The following FOCAD variants were observed in gnomAD, a reference collection of about 807,000 sequenced individuals.
The protein encoded by FOCAD is KIAA1797.
In FOCAD, 198 loss-of-function variants were observed where a neutral mutation model predicts 225.6. The observed-to-expected ratio is 0.88, with a 90% CI of 0.78 to 0.99. The LOEUF is 0.99. Among genes scored for constraint, FOCAD ranks in the 50% least tolerant of loss-of-function variants. The pLI is 0.00. For synonymous variants in FOCAD, 897 were observed against 755.0 expected (o/e 1.19, Z -3.08); for missense variants, 2,713 against 2,123.6 (o/e 1.28, Z -5.46).
chr9:20,806,200 T>G (rs1355032489), intron 11 of FOCAD, among the ~76,000 whole-genome samples: 6 of 152,180 alleles, frequency 3.9e-5, no homozygotes, highest in Non-Finnish European at 8.8e-5. Flanking sequence ...AGTAAATATG[T>G]TTTCAGAAAG....
At position 20,874,962 on chromosome 9, in the gene FOCAD, C is replaced by G; in HGVS notation, c.2317+155C>G. ...GCACCCATCTGTTCTATTGAAACAG[C>G]TTGAGGTAGTATGGTGTTTAAATCA... On this transcript the variant is annotated intron_variant, in intron 19 of 43. Transcript: ENST00000338382. 9.6e-6 allele frequency: 9 copies of G among 934,258 alleles called. No homozygotes were observed. The South Asian group carries it at 1.4e-4, about 14-fold the overall frequency. The allele number at this position is 934,258 out of a possible 1,614,324, so 57.9% of individuals were successfully genotyped here.
chr9:20,684,245 G>C (rs892862857), upstream of FOCAD: 1 of 152,442 alleles, frequency 6.6e-6, no homozygotes, highest in African/African-American at 2.4e-5. Flanking sequence ...GCGGCGGGGC[G>C]GGCCACGTCA....
chr9:20,907,295 G>C (rs992379848), intron 22 of FOCAD, 53 bp downstream of exon 22: 1 of 1,417,078 alleles, frequency 7.1e-7, no homozygotes, highest in Admixed American at 1.7e-5. Flanking sequence ...CTTATCTCAT[G>C]TTTTGCTACA....
intron 1 of FOCAD, among the ~76,000 whole-genome samples, chr9:20,687,657 G>T (rs1421064808): frequency 6.6e-6 from 1 of 152,166 alleles, no homozygotes; most frequent in Non-Finnish European, 1.5e-5. Flanking sequence ...TTAAGTAAAT[G>T]TGATTTTTAA....
Position 20,758,112 on chromosome 9 carries a change from A to G in FOCAD, c.415A>G (p.Thr139Ala). The G allele has an allele frequency of 1.2e-6, 2 of 1,609,772 alleles. No homozygotes were observed. Among genetic ancestry groups the G allele is most frequent in the Non-Finnish European group, 1.7e-6 (2 of 1,178,490 alleles). The change falls in exon 6 of 44, where the codon ACT becomes GCT. Residue 139 changes from threonine (T) to alanine (A), a missense_variant. By Grantham distance (58) the Thr-to-Ala change is moderately conservative. Transcript: ENST00000338382. Reference protein sequence around the residue: ...TIRNHPHPLITVLEHRPDCWP... With the variant: ...TIRNHPHPLIAVLEHRPDCWP... ...CAGAAATCATCCTCATCCTTTGATA[A>G]CTGTGCTTGAACACAGACCTGATTG...
rs564847720 is a variant in FOCAD at position 20,887,144 on chromosome 9, A to T, written c.2625+1914A>T. On this transcript the variant is annotated intron_variant, in intron 21 of 43. Coordinates refer to ENST00000338382, the MANE Select transcript of FOCAD (RefSeq NM_001375567.1). ...TGCAATCAATTTGGGATTTTTCCAG[A>T]TGAAATTTCTTCAAACCCTGCTTTT... 3.3e-5 allele frequency among the ~76,000 whole-genome samples: 5 copies of T among 152,248 alleles called. No individual in the cohort carries two copies. In the South Asian group the frequency reaches 1.0e-3, roughly 32 times the overall value.
chr9:20,908,073 G>C (rs1196340901), intron 22 of FOCAD, among the ~76,000 whole-genome samples: 2 of 152,076 alleles, frequency 1.3e-5, no homozygotes, highest in Non-Finnish European at 2.9e-5. Context: ...GTTATAGTTT[G>C]TGAATTTTTA....
intron 25 of FOCAD, among the ~76,000 whole-genome samples, chr9:20,925,655 C>T (rs1012258421): frequency 3.9e-5 from 6 of 152,160 alleles, no homozygotes; most frequent in African/African-American, 1.4e-4. Flanking sequence ...TTAATGAATG[C>T]TTTTGACATC....
intron 4 of FOCAD, among the ~76,000 whole-genome samples, chr9:20,721,185 G>C (rs1825741359): frequency 6.6e-6 from 1 of 152,104 alleles, no homozygotes; most frequent in Non-Finnish European, 1.5e-5. Context: ...GTCACTCTTT[G>C]CTTCAAGAAA....
At chr9:20,923,819 T>A (rs771961987) in intron 25 of FOCAD, 51 bp downstream of exon 25, 1 of 1,391,026 alleles carries the variant, frequency 7.2e-7, no homozygotes. Context: ...TTTTTAAGCC[T>A]GGCTTTAGGT....
At chr9:20,961,567 C>G (rs1838732496) in intron 35 of FOCAD, among the ~76,000 whole-genome samples, 1 of 152,274 alleles carries the variant, frequency 6.6e-6, no homozygotes, top group South Asian at 2.1e-4. Context: ...GTGGACAGAG[C>G]TGGGAAACAT....
chr9:20,760,077 C>T (rs1042249608), intron 6 of FOCAD, among the ~76,000 whole-genome samples: 1 of 152,180 alleles, frequency 6.6e-6, no homozygotes, highest in Admixed American at 6.5e-5. Flanking sequence ...GCCACCTGTT[C>T]CTAACTGGTG....
At chr9:20,824,410 AT>A (rs1212911537) in intron 15 of FOCAD, among the ~76,000 whole-genome samples, 3 of 151,924 alleles carry the variant, frequency 2.0e-5, no homozygotes, top group Non-Finnish European at 4.4e-5. Context: ...TGAAATTAAC[AT>A]TTTTTCTTAT....
At chr9:20,905,065 G>C (rs4977589) in intron 21 of FOCAD, among the ~76,000 whole-genome samples, 146,064 of 152,066 alleles carry the variant, frequency 0.96, 70,206 homozygotes, top group East Asian at 1. Context: ...TCTAAAGTCT[G>C]TCTTCATTAA....
chr9:20,937,891 C>A (rs1462366655), intron 28 of FOCAD, among the ~76,000 whole-genome samples: 1 of 152,128 alleles, frequency 6.6e-6, no homozygotes, highest in African/African-American at 2.4e-5. Flanking sequence ...AAGAAAAAAA[C>A]AGACAACCCC....
chr9:20,727,744 T>C lies in FOCAD; in HGVS notation c.287+7210T>C, dbSNP rs181344516. On this transcript the variant is annotated intron_variant, in intron 4 of 43. Transcript: ENST00000338382. Reference sequence around the variant, plus strand: ...TACTATGCTTAAGACTGATGAATTATCTTGTTCAGGGGTCTGAAATCCTTT... The same window carrying C: ...TACTATGCTTAAGACTGATGAATTACCTTGTTCAGGGGTCTGAAATCCTTT... Among the ~76,000 whole-genome samples, 9 of 152,362 alleles carry C rather than the reference T, an allele frequency of 5.9e-5. No homozygotes were observed. The East Asian group carries it at 1.7e-3, about 29-fold the overall frequency.
At chr9:20,978,840 G>C (rs773550275) in intron 37 of FOCAD, among the ~76,000 whole-genome samples, 2 of 151,890 alleles carry the variant, frequency 1.3e-5, no homozygotes, top group Non-Finnish European at 2.9e-5. Context: ...ACTTATCCAT[G>C]TATTATCCTT....
chr9:20,728,820 G>C (rs1826427903), intron 4 of FOCAD, among the ~76,000 whole-genome samples: 1 of 152,146 alleles, frequency 6.6e-6, no homozygotes, highest in Non-Finnish European at 1.5e-5. Context: ...ACTAGTATGA[G>C]CAAAAATGGA....
chr9:20,711,416 G>A (rs1008213274), intron 1 of FOCAD, among the ~76,000 whole-genome samples: 3 of 152,274 alleles, frequency 2.0e-5, no homozygotes, highest in Non-Finnish European at 2.9e-5. Context: ...TTGAAAACCC[G>A]CTATGAAAAT....
Sources: allele counts gnomAD v4.1 joint callset (sites outside exome capture counted in the v4.1 genomes callset), GRCh38; gene constraint gnomAD v4.1.1; transcripts MANE v1.5; gene names NCBI Gene and HGNC (gene_info 2026-07-23, HGNC 2026-07-21).